VPS13D: variants seen among roughly 807,000 people sequenced by gnomAD.
VPS13D encodes the protein intermembrane lipid transfer protein VPS13D.
Under a neutral mutation model 461.9 loss-of-function variants are expected in VPS13D, and 187 were observed. That is an observed-to-expected ratio of 0.40 (90% CI 0.36 to 0.46). The LOEUF (loss-of-function observed/expected upper bound fraction) is 0.46. Ranked by LOEUF, VPS13D falls within the 20% of genes least tolerant of loss-of-function variation. VPS13D has a pLI of 0.60. For missense variants in VPS13D, 4,711 were observed against 5,364.9 expected, an observed-to-expected ratio of 0.88 and a Z score of 3.81; for synonymous variants, 1,951 against 1,986.3, an observed-to-expected ratio of 0.98 and a Z score of 0.47.
Position 12,329,887 on chromosome 1 carries a change from T to C in VPS13D, c.8256T>C (p.Leu2752=). Residue 2752 remains leucine, a synonymous_variant, in exon 37 of 70, where the codon CTT becomes CTC. Transcript: ENST00000620676. Reference sequence around the variant, plus strand: ...CTGAAGGCTATGCCCACTTCACCCTTTCTGGAGATTATTATAACCGTGCTC... The same window carrying C: ...CTGAAGGCTATGCCCACTTCACCCTCTCTGGAGATTATTATAACCGTGCTC... ...TSPEGYAHFT[L]SGDYYNRALS... 2 of 1,614,084 alleles carry C rather than the reference T, an allele frequency of 1.2e-6. No homozygotes were observed. The highest frequency in any genetic ancestry group is 1.7e-6 in the Non-Finnish European group (2 of 1,179,984).
At chr1:12,466,380 T>A (rs1205486392) in intron 67 of VPS13D, among the ~76,000 whole-genome samples, 1 of 152,186 alleles carries the variant, frequency 6.6e-6, no homozygotes. Flanking sequence ...TTTTTCCCAC[T>A]AATATTCCAT....
At chr1:12,503,123 C>T (rs181351796) in intron 68 of VPS13D, among the ~76,000 whole-genome samples, 2 of 152,204 alleles carry the variant, frequency 1.3e-5, no homozygotes, top group Admixed American at 6.5e-5. Context: ...GAGAATGCCC[C>T]GTGGTTCATG....
At chr1:12,478,726 T>C (rs2100475945) in intron 67 of VPS13D, 1 of 451,768 alleles carries the variant, frequency 2.2e-6, no homozygotes, top group Admixed American at 2.4e-5. Flanking sequence ...AGCAAAGCAG[T>C]CTGCCTCCCT....
At chr1:12,490,886 TC>T (rs1645871546) in intron 67 of VPS13D, among the ~76,000 whole-genome samples, 1 of 152,150 alleles carries the variant, frequency 6.6e-6, no homozygotes, top group African/African-American at 2.4e-5. Context: ...ATGGTGGGCT[TC>T]TTGGGCTTGC....
In VPS13D at chr1:12,511,852, G is replaced by A. The variant is rs1426624566; in HGVS notation, c.*2828G>A. On this transcript the variant is annotated 3_prime_UTR_variant, in exon 70 of 70. Coordinates refer to ENST00000620676, the MANE Select transcript of VPS13D (RefSeq NM_015378.4). The surrounding 1 kb of genome is among the most constrained non-coding windows in gnomAD (Gnocchi z 4.5). ...CATCGCAATGTTCTGAAGGCTCCAG[G>A]GCCACTTTGTTTGTAAGTATGATCT... 6.6e-6 allele frequency: 1 copy of A among 152,130 alleles called. No individual in the cohort carries two copies. Among genetic ancestry groups the A allele is most frequent in the Non-Finnish European group, 1.5e-5 (1 of 68,030 alleles). The allele number at this position is 152,130 out of a possible 1,614,324, so 9.4% of individuals were successfully genotyped here.
At chr1:12,329,782 T>C (rs1296949427) in intron 36 of VPS13D, 47 bp from the exon 37 acceptor site, 2 of 1,501,862 alleles carry the variant, frequency 1.3e-6, no homozygotes, top group Non-Finnish European at 1.8e-6. Context: ...AAGGCAGTTT[T>C]GGTTGCTCCT....
chr1:12,323,377 C>T (rs1643094875), intron 34 of VPS13D, among the ~76,000 whole-genome samples: 1 of 152,052 alleles, frequency 6.6e-6, no homozygotes, highest in African/African-American at 2.4e-5. Context: ...CTGTGCCCAC[C>T]TCTAATTTTA....
At position 12,277,375 on chromosome 1, in the gene VPS13D, G is replaced by C; in HGVS notation, c.3787G>C (p.Asp1263His). 6.2e-7 allele frequency: 1 copy of C among 1,614,220 alleles called. No homozygotes were observed. Among genetic ancestry groups the C allele is most frequent in the South Asian group, 1.1e-5 (1 of 91,090 alleles). ...YFESVFVRMEDAALTEALSFT... is the reference protein window; with the variant it reads ...YFESVFVRMEHAALTEALSFT... Reference sequence around the variant, plus strand: ...TGAATCTGTGTTTGTCAGAATGGAAGATGCAGCCCTCACTGAAGCTTTGAG... The same window carrying C: ...TGAATCTGTGTTTGTCAGAATGGAACATGCAGCCCTCACTGAAGCTTTGAG... Residue 1263 changes from aspartate (D) to histidine (H), a missense_variant, in exon 19 of 70, where the codon GAT (aspartate) becomes CAT (histidine). Asp to His is a moderately conservative substitution (Grantham distance 81). Around this residue, in one of 3 missense-constraint regions of VPS13D, gnomAD observed 4,411 missense variants for 4,937.8 expected, o/e 0.89. Coordinates refer to ENST00000620676, the MANE Select transcript of VPS13D (RefSeq NM_015378.4).
chr1:12,289,354 A>G (rs1303489771), intron 22 of VPS13D, among the ~76,000 whole-genome samples: 2 of 152,172 alleles, frequency 1.3e-5, no homozygotes, highest in Non-Finnish European at 2.9e-5. Context: ...AAGTGCTGGG[A>G]TTACAGGCGT....
chr1:12,372,473 G>T (rs531363400), intron 54 of VPS13D, among the ~76,000 whole-genome samples: 1 of 152,108 alleles, frequency 6.6e-6, no homozygotes, highest in East Asian at 1.9e-4. Context: ...GATGTTATGC[G>T]TCTTTTCATG....
chr1:12,283,612 C>G lies in VPS13D; in HGVS notation c.5510C>G (p.Ser1837Cys). ...VVILDFFGIG[S>C]TADNHAMRLP... The stretch of plus-strand genomic sequence containing the variant: ...ATATTAGACTTTTTTGGAATCGGCT[C>G]CACTGCAGACAACCACGCAATGAGG... The change falls in exon 21 of 70, where the codon TCC (serine) becomes TGC (cysteine). Residue 1837 changes from serine (S) to cysteine (C), a missense_variant. Physicochemically the swap from Ser to Cys is moderately radical, Grantham distance 112. Transcript: ENST00000620676. 1 of 1,614,196 alleles carries G rather than the reference C, an allele frequency of 6.2e-7. No individual in the cohort carries two copies. Among genetic ancestry groups the G allele is most frequent in the Non-Finnish European group, 8.5e-7 (1 of 1,180,026 alleles).
intron 65 of VPS13D, among the ~76,000 whole-genome samples, chr1:12,446,340 C>T (rs1645191911): frequency 6.6e-6 from 1 of 151,738 alleles, no homozygotes; most frequent in Non-Finnish European, 1.5e-5. Flanking sequence ...TTGCTTGACC[C>T]TAGGAGGCTG....
At chr1:12,337,988 GAAA>G (rs76484186) in intron 39 of VPS13D, 839 of 296,334 alleles carry the variant, frequency 2.8e-3, no homozygotes, top group Middle Eastern at 5.1e-3. Flanking sequence ...TCTAATTCAG[GAAA>G]AAAAAAAAAA....
At chr1:12,256,906 G>A (rs1392294076) in intron 8 of VPS13D, 81 bp from the exon 9 acceptor site, 1 of 1,451,674 alleles carries the variant, frequency 6.9e-7, no homozygotes, top group South Asian at 1.2e-5. Flanking sequence ...AATGTGAATT[G>A]TTCTTGTTAG....
In VPS13D at chr1:12,340,271, A is replaced by T. The variant is rs183440713; in HGVS notation, c.8627-1509A>T. Among the ~76,000 whole-genome samples, 202 of 152,082 alleles carry T rather than the reference A, an allele frequency of 1.3e-3. 1 individual carries two copies. The highest frequency in any genetic ancestry group is 2.5e-3 in the Non-Finnish European group (171 of 68,012). ...TATTCCTAGTGGAGATTATCTTTAG[A>T]TGTATTTGGGGTATCTCTAAATGAC... On this transcript the variant is annotated intron_variant, in intron 40 of 69. Transcript: ENST00000620676.
chr1:12,358,105 C>T (rs993621507), intron 49 of VPS13D, among the ~76,000 whole-genome samples: 1 of 151,994 alleles, frequency 6.6e-6, no homozygotes, highest in African/African-American at 2.4e-5. Flanking sequence ...CTTGAAACAG[C>T]AGAGTCAGGA....
At chr1:12,374,538 C>A (rs1405727363) in intron 55 of VPS13D, among the ~76,000 whole-genome samples, 1 of 152,156 alleles carries the variant, frequency 6.6e-6, no homozygotes, top group Non-Finnish European at 1.5e-5. Flanking sequence ...GTAGCCTTTT[C>A]CACTGAGAAG....
intron 20 of VPS13D, 143 bp from the exon 21 acceptor site, chr1:12,282,562 A>C: frequency 2.4e-6 from 2 of 820,988 alleles, no homozygotes; most frequent in South Asian, 3.5e-5. Context: ...GTAAGGACAA[A>C]ATAAATGAAA....
At chr1:12,456,252 C>G in intron 66 of VPS13D, 122 bp downstream of exon 66, 1 of 1,400,934 alleles carries the variant, frequency 7.1e-7, no homozygotes, top group Non-Finnish European at 9.3e-7. Flanking sequence ...GCTTGTAATC[C>G]CAGCATTTTG....
Sources: gnomAD v4.1 joint callset for allele counts (sites outside exome capture counted in the v4.1 genomes callset) on GRCh38, gnomAD v4.1.1 for gene constraint, gnomAD v4.1.1 regional missense constraint, Gnocchi (gnomAD v3.1) non-coding constraint, MANE v1.5 for transcripts, NCBI Gene and HGNC (gene_info 2026-07-23, HGNC 2026-07-21) for gene names.